The following DLG1 variants were observed in gnomAD, a reference collection of about 807,000 sequenced individuals.
DLG1 encodes disks large homolog 1.
A neutral mutation model predicts 123.4 loss-of-function variants in DLG1; 42 were observed. That is an observed-to-expected ratio of 0.34 (90% CI 0.27 to 0.44). DLG1 has a LOEUF of 0.44. Among genes scored for constraint, DLG1 ranks in the 20% least tolerant of loss-of-function variants. The probability of loss-of-function intolerance (pLI) is 1.00; values close to 1 mark genes in which losing one functional copy is unlikely to be tolerated. For missense variants in DLG1, 942 were observed against 1,082.6 expected, an observed-to-expected ratio of 0.87 and a Z score of 1.82; for synonymous variants, 317 against 356.2, an observed-to-expected ratio of 0.89 and a Z score of 1.24.
chr3:197,296,527 G>A (rs1034173158), intron 2 of DLG1, 50 bp from the exon 3 acceptor site: 3 of 1,564,078 alleles, frequency 1.9e-6, no homozygotes, highest in African/African-American at 1.4e-5. Flanking sequence ...TACAAAAAAA[G>A]TATCACATAC....
chr3:197,233,260 C>T (rs980875556), intron 4 of DLG1, among the ~76,000 whole-genome samples: 4 of 152,010 alleles, frequency 2.6e-5, no homozygotes, highest in Non-Finnish European at 4.4e-5. Context: ...AAGTTATAAA[C>T]GCATTATTAA....
At chr3:197,207,069 A>G (rs1466922872) in intron 4 of DLG1, among the ~76,000 whole-genome samples, 1 of 152,220 alleles carries the variant, frequency 6.6e-6, no homozygotes, top group African/African-American at 2.4e-5. Context: ...GCTGCTTTCT[A>G]GCTGCCTCTG....
At chr3:197,157,415 C>T (rs1171179752) in intron 5 of DLG1, among the ~76,000 whole-genome samples, 3 of 152,136 alleles carry the variant, frequency 2.0e-5, no homozygotes, top group Admixed American at 6.6e-5. Context: ...GAAAACAATT[C>T]TGTTTATTAT....
intron 5 of DLG1, among the ~76,000 whole-genome samples, chr3:197,183,103 A>C (rs933418168): frequency 7.9e-5 from 12 of 152,208 alleles, no homozygotes; most frequent in Non-Finnish European, 1.8e-4. Context: ...ATACTAGCCA[A>C]TTATATTAAA....
At chr3:197,269,504 CT>C (rs1763041811) in intron 4 of DLG1, among the ~76,000 whole-genome samples, 1 of 152,002 alleles carries the variant, frequency 6.6e-6, no homozygotes, top group Non-Finnish European at 1.5e-5. Context: ...CAGTATTTTC[CT>C]TTGTCTAGGT....
At chr3:197,089,730 A>G (rs184676688) in intron 15 of DLG1, among the ~76,000 whole-genome samples, 5 of 152,026 alleles carry the variant, frequency 3.3e-5, no homozygotes, top group African/African-American at 1.2e-4. Flanking sequence ...AAAAAAAAAG[A>G]AAGTGTAAAA....
intron 5 of DLG1, among the ~76,000 whole-genome samples, chr3:197,157,478 A>G (rs574860385): frequency 6.6e-6 from 1 of 152,350 alleles, no homozygotes; most frequent in East Asian, 1.9e-4. Flanking sequence ...ATGAAGAATT[A>G]ACTTCATCAA....
chr3:197,200,313 T>C (rs1724965662), intron 4 of DLG1, among the ~76,000 whole-genome samples: 1 of 152,182 alleles, frequency 6.6e-6, no homozygotes, highest in Non-Finnish European at 1.5e-5. Flanking sequence ...CAAATACTTA[T>C]TATTTCAGTA....
intron 4 of DLG1, among the ~76,000 whole-genome samples, chr3:197,209,910 A>G (rs1417456361): frequency 6.8e-6 from 1 of 146,454 alleles, no homozygotes; most frequent in East Asian, 2.0e-4. Flanking sequence ...TGGTTGGAAT[A>G]CTCAGTGCTT....
Position 197,269,300 on chromosome 3 carries a change from A to T in DLG1, c.318+13379T>A, listed in dbSNP as rs145811025. ...ACAATGTTATGACAGCAAAGATGTC[A>T]CTAGGAGATATAAATTTCTCAGCTT... On this transcript the variant is annotated intron_variant, in intron 4 of 24. Transcript: ENST00000667157. Among the ~76,000 whole-genome samples, 909 of 152,324 alleles carry T rather than the reference A, an allele frequency of 6.0e-3. 5 individuals carry two copies. The highest frequency in any genetic ancestry group is 0.022 in the South Asian group (105 of 4,826).
rs551877545 is a variant in DLG1, at chr3:197,123,135, C to T, written c.1166-3605G>A. Among the ~76,000 whole-genome samples the T allele has an allele frequency of 5.9e-5, 9 of 152,216 alleles. No individual in the cohort carries two copies. The East Asian group carries it at 1.5e-3, about 26-fold the overall frequency. ...CTGCATATTAAAAAATCTCTCATTA[C>T]ATGCAAAAATTAGATCAAAATGGAT... On this transcript the variant is annotated intron_variant, in intron 11 of 24. Coordinates refer to ENST00000667157, the MANE Select transcript of DLG1 (RefSeq NM_001366207.1).
intron 5 of DLG1, among the ~76,000 whole-genome samples, chr3:197,193,964 C>T (rs1306268124): frequency 6.6e-6 from 1 of 151,976 alleles, no homozygotes; most frequent in Non-Finnish European, 1.5e-5. Context: ...GGACTGCAGG[C>T]ATGTGTCATC....
chr3:197,068,508 A>T (rs763174868), intron 19 of DLG1: 2 of 1,580,982 alleles, frequency 1.3e-6, no homozygotes, highest in South Asian at 2.2e-5. Flanking sequence ...GGACCTTTTG[A>T]GCAGCCATAC....
At chr3:197,060,149 T>C (rs1734751842) in intron 22 of DLG1, 151 bp from the exon 23 acceptor site, 1 of 522,592 alleles carries the variant, frequency 1.9e-6, no homozygotes. Flanking sequence ...TCAGCAAACT[T>C]TAGATAGGAA....
At chr3:197,169,660 T>C (rs545407352) in intron 5 of DLG1, among the ~76,000 whole-genome samples, 3 of 152,290 alleles carry the variant, frequency 2.0e-5, no homozygotes, top group African/African-American at 4.8e-5. Context: ...GAACATACTA[T>C]CTGATAGCTA....
At chr3:197,049,301 T>G (rs1725594989) in intron 24 of DLG1, among the ~76,000 whole-genome samples, 1 of 151,332 alleles carries the variant, frequency 6.6e-6, no homozygotes, top group African/African-American at 2.4e-5. Flanking sequence ...GACAACAGAG[T>G]GAGACTCTGT....
At chr3:197,127,663 T>C (rs947117795) in intron 11 of DLG1, among the ~76,000 whole-genome samples, 1 of 151,288 alleles carries the variant, frequency 6.6e-6, no homozygotes, top group Admixed American at 6.6e-5. Flanking sequence ...TTTAGATATA[T>C]TGTAAATCAG....
intron 17 of DLG1, among the ~76,000 whole-genome samples, chr3:197,079,682 C>T (rs1578696541): frequency 6.6e-6 from 1 of 152,104 alleles, no homozygotes; most frequent in Non-Finnish European, 1.5e-5. Context: ...TTTTTCAAAT[C>T]CTGAGCATTT....
At chr3:197,194,763 T>A (rs1721510466) in intron 4 of DLG1, among the ~76,000 whole-genome samples, 174 bp from the exon 5 acceptor site, 2 of 152,182 alleles carry the variant, frequency 1.3e-5, no homozygotes, top group Non-Finnish European at 2.9e-5. Context: ...ATGCCAATAA[T>A]AAAATTATTT....
Sources: allele counts gnomAD v4.1 joint callset (sites outside exome capture counted in the v4.1 genomes callset), GRCh38; gene constraint gnomAD v4.1.1; transcripts MANE v1.5; gene names NCBI Gene and HGNC (gene_info 2026-07-23, HGNC 2026-07-21).